The following ERN1 variants were observed in gnomAD, a reference collection of about 807,000 sequenced individuals.
The protein encoded by ERN1 is serine/threonine-protein kinase/endoribonuclease IRE1.
Under a neutral mutation model 113.1 loss-of-function variants are expected in ERN1, and 39 were observed. That is an observed-to-expected ratio of 0.34 (90% CI 0.27 to 0.45). The LOEUF (loss-of-function observed/expected upper bound fraction) is 0.45. Ranked by LOEUF, ERN1 falls within the 20% of genes least tolerant of loss-of-function variation. The probability of loss-of-function intolerance (pLI) is 1.00; values close to 1 mark genes in which losing one functional copy is unlikely to be tolerated. For synonymous variants in ERN1, 507 were observed against 515.9 expected (o/e 0.98, Z 0.23); for missense variants, 976 against 1,274.8 (o/e 0.77, Z 3.57).
chr17:64,081,455 GTTAA>G (rs1913766083), intron 2 of ERN1, among the ~76,000 whole-genome samples: 2 of 152,136 alleles, frequency 1.3e-5, no homozygotes, highest in Non-Finnish European at 2.9e-5. Context: ...CAATAATATG[GTTAA>G]GTTATAGAAT....
At chr17:64,072,719 A>AT (rs1316453093) in intron 5 of ERN1, among the ~76,000 whole-genome samples, 1 of 152,262 alleles carries the variant, frequency 6.6e-6, no homozygotes, top group African/African-American at 2.4e-5. Context: ...TGGTCAGCTG[A>AT]TTATGACAGG....
intron 10 of ERN1, among the ~76,000 whole-genome samples, chr17:64,062,705 A>G (rs1913091257): frequency 6.6e-6 from 1 of 152,220 alleles, no homozygotes; most frequent in Admixed American, 6.5e-5. Context: ...TAACTGGCAC[A>G]TAATGCTGAG....
intron 2 of ERN1, among the ~76,000 whole-genome samples, chr17:64,090,015 A>T (rs1286910443): frequency 6.6e-6 from 1 of 152,160 alleles, no homozygotes. Flanking sequence ...GAGTGGCCCA[A>T]TTAGGGAGTA....
intron 4 of ERN1, among the ~76,000 whole-genome samples, chr17:64,076,042 T>C (rs1050304903): frequency 1.3e-5 from 2 of 152,230 alleles, no homozygotes; most frequent in African/African-American, 2.4e-5. Flanking sequence ...TTGAGACTTT[T>C]GGTTTTAAAG....
intron 1 of ERN1, chr17:64,129,566 G>A (rs1240586514): frequency 2.8e-5 from 10 of 352,364 alleles, no homozygotes; most frequent in Non-Finnish European, 3.1e-5. Flanking sequence ...CTCCTCCGCG[G>A]CCCCCGCCAG....
chr17:64,119,454 T>C (rs947287062), intron 1 of ERN1, among the ~76,000 whole-genome samples: 2 of 144,204 alleles, frequency 1.4e-5, no homozygotes, highest in African/African-American at 5.2e-5. Flanking sequence ...AGTGGTGGGA[T>C]CTTGGCTCAC....
chr17:64,053,856 C>T (rs1245481841), intron 15 of ERN1: 1 of 171,364 alleles, frequency 5.8e-6, no homozygotes, highest in Non-Finnish European at 1.2e-5. Context: ...AAATGCTCCA[C>T]ATTTTGACTG....
intron 10 of ERN1, among the ~76,000 whole-genome samples, chr17:64,061,166 G>A (rs1381980641): frequency 2.0e-5 from 3 of 152,200 alleles, no homozygotes; most frequent in Non-Finnish European, 4.4e-5. Context: ...CACAACTATC[G>A]CATGGCTACT....
At chr17:64,076,587 GTGA>G (rs1913597171) in intron 4 of ERN1, among the ~76,000 whole-genome samples, 1 of 141,130 alleles carries the variant, frequency 7.1e-6, no homozygotes, top group African/African-American at 2.7e-5. Flanking sequence ...GCACAAGGGA[GTGA>G]TGAAGGGCAT....
Position 64,050,496 on chromosome 17 carries a change from G to A in ERN1, c.2254-1294C>T, listed in dbSNP as rs543061959. 5.3e-5 allele frequency among the ~76,000 whole-genome samples: 8 copies of A among 152,270 alleles called. No homozygotes were observed. The South Asian group carries it at 1.7e-3, about 32-fold the overall frequency. On this transcript the variant is annotated intron_variant, in intron 17 of 21. Coordinates refer to ENST00000433197, the MANE Select transcript of ERN1 (RefSeq NM_001433.5). ...GTAAGCTGAATCTTTAGAAAGACTC[G>A]ATAAAGGAAAGGGAATGGTTACAAG... is the stretch of plus-strand genomic sequence containing the variant.
chr17:64,111,937 T>G (rs1914683511), intron 1 of ERN1, among the ~76,000 whole-genome samples: 2 of 152,204 alleles, frequency 1.3e-5, no homozygotes, highest in Admixed American at 1.3e-4. Flanking sequence ...GATAATCCAC[T>G]GCTCCTCATC....
Position 64,049,316 on chromosome 17 carries a change from G to C in ERN1, c.2254-114C>G. 9.0e-7 allele frequency: 1 copy of C among 1,112,326 alleles called. No homozygotes were observed. Among genetic ancestry groups the C allele is most frequent in the Non-Finnish European group, 1.2e-6 (1 of 803,934 alleles). The allele number at this position is 1,112,326 out of a possible 1,614,324, so 68.9% of individuals were successfully genotyped here. ...CTGCCACCTAGAAGGTGTCCTGGGA[G>C]AATCAGCTGACATATGTGAGCTGCA... On this transcript the variant is annotated intron_variant, in intron 17 of 21. Transcript: ENST00000433197. The surrounding 1 kb of genome is among the most constrained non-coding windows in gnomAD (Gnocchi z 4.7).
rs192172372 is a variant in ERN1, at chr17:64,062,401, T to C, written c.1087+1585A>G. On this transcript the variant is annotated intron_variant, in intron 10 of 21. Coordinates refer to ENST00000433197, the MANE Select transcript of ERN1 (RefSeq NM_001433.5). The stretch of plus-strand genomic sequence containing the variant: ...ACATAGTAGGGCATATCCTTTTACT[T>C]GTGGCCCTCGTCAACAGGAGACACT... 2.0e-5 allele frequency among the ~76,000 whole-genome samples: 3 copies of C among 152,374 alleles called. No homozygotes were observed. In the East Asian group the frequency reaches 5.8e-4, roughly 29 times the overall value.
intron 1 of ERN1, among the ~76,000 whole-genome samples, chr17:64,113,014 A>C (rs748457991): frequency 3.3e-5 from 5 of 152,236 alleles, no homozygotes; most frequent in Non-Finnish European, 7.3e-5. Flanking sequence ...ATCGGGCCTT[A>C]ATATATTTCC....
intron 7 of ERN1, among the ~76,000 whole-genome samples, chr17:64,067,201 T>G (rs550482843): frequency 6.6e-6 from 1 of 152,174 alleles, no homozygotes; most frequent in African/African-American, 2.4e-5. Flanking sequence ...AACACTCTAT[T>G]CAATAAGTGA....
intron 15 of ERN1, among the ~76,000 whole-genome samples, chr17:64,053,586 A>G (rs1162992754): frequency 6.6e-6 from 1 of 152,250 alleles, no homozygotes; most frequent in Non-Finnish European, 1.5e-5. Flanking sequence ...ATTGCCTCAT[A>G]TAAGTAAACC....
At chr17:64,098,693 T>C (rs778871503) in intron 1 of ERN1, 99 of 409,412 alleles carry the variant, frequency 2.4e-4, no homozygotes, top group Non-Finnish European at 4.4e-4. Context: ...TAAAGCAAAA[T>C]AGGAAAAACA....
chr17:64,057,655 A>G, intron 12 of ERN1, 147 bp downstream of exon 12: 1 of 788,876 alleles, frequency 1.3e-6, no homozygotes, highest in Non-Finnish European at 2.1e-6. Flanking sequence ...GGCGTGAGCC[A>G]CTGTGCCCGC....
chr17:64,117,139 T>A (rs890599041), intron 1 of ERN1, among the ~76,000 whole-genome samples: 3 of 149,730 alleles, frequency 2.0e-5, no homozygotes, highest in Admixed American at 6.7e-5. Context: ...ATAATAAAAA[T>A]TTTTAAAAAA....
Sources: allele counts gnomAD v4.1 joint callset (sites outside exome capture counted in the v4.1 genomes callset), GRCh38; gene constraint gnomAD v4.1.1; non-coding constraint Gnocchi (gnomAD v3.1); transcripts MANE v1.5; gene names NCBI Gene and HGNC (gene_info 2026-07-23, HGNC 2026-07-21).